FILIP1L: variants seen among roughly 807,000 people sequenced by gnomAD.
The protein encoded by FILIP1L is filamin A-interacting protein 1-like.
A neutral mutation model predicts 96.6 loss-of-function variants in FILIP1L; 55 were observed. The observed-to-expected ratio is 0.57, with a 90% CI of 0.46 to 0.71. The LOEUF is 0.71. Ranked by LOEUF, FILIP1L falls within the 30% of genes least tolerant of loss-of-function variation. The pLI, the probability that FILIP1L is intolerant of heterozygous loss-of-function variation, is 0.00. For missense variants in FILIP1L, 1,304 were observed against 1,321.2 expected (o/e 0.99, Z 0.20); for synonymous variants, 467 against 473.9 (o/e 0.99, Z 0.19).
intron 1 of FILIP1L, among the ~76,000 whole-genome samples, chr3:100,013,483 G>A (rs188802377): frequency 7.7e-4 from 117 of 151,762 alleles, no homozygotes; most frequent in African/African-American, 2.7e-3. Flanking sequence ...ACCTCAGGTG[G>A]TCCATCCACC....
chr3:99,860,772 G>T (rs1192861006), intron 4 of FILIP1L, among the ~76,000 whole-genome samples: 4 of 152,170 alleles, frequency 2.6e-5, no homozygotes, highest in African/African-American at 9.7e-5. Context: ...ATGTAAATTT[G>T]TACCAGGATA....
intron 4 of FILIP1L, among the ~76,000 whole-genome samples, chr3:99,911,188 TC>T (rs1341977082): frequency 4.6e-5 from 7 of 152,116 alleles, no homozygotes; most frequent in African/African-American, 1.7e-4. Flanking sequence ...GAAATGTATT[TC>T]TTCAATCCTA....
intron 1 of FILIP1L, among the ~76,000 whole-genome samples, chr3:100,024,136 T>C (rs2064876635): frequency 6.6e-6 from 1 of 152,174 alleles, no homozygotes; most frequent in Non-Finnish European, 1.5e-5. Context: ...GAAAGGTCTT[T>C]CAGTGTCATG....
At position 99,857,415 on chromosome 3, in the gene FILIP1L, C is replaced by T. The variant is rs74593718; in HGVS notation, c.606-6345G>A. On this transcript the variant is annotated intron_variant, in intron 4 of 5. Transcript: ENST00000477258. ...GAGGAGAACAGGGTTAGGTGGTAAA[C>T]GTCCACATCCTAGCCCATCAGTCTC... is the stretch of plus-strand genomic sequence containing the variant. Among the ~76,000 whole-genome samples, 844 of 152,306 alleles carry T rather than the reference C, an allele frequency of 5.5e-3. 41 individuals are homozygous for T. The East Asian group carries it at 0.12, about 21-fold the overall frequency.
chr3:100,091,814 T>C (rs1267303170), intron 1 of FILIP1L, among the ~76,000 whole-genome samples: 2 of 152,232 alleles, frequency 1.3e-5, no homozygotes, highest in South Asian at 2.1e-4. Context: ...TTGCTCAGCG[T>C]CTCCTCTCGT....
chr3:99,878,289 G>T (rs1576542127), intron 4 of FILIP1L, among the ~76,000 whole-genome samples: 3 of 152,302 alleles, frequency 2.0e-5, no homozygotes, highest in East Asian at 3.9e-4. Flanking sequence ...CATACTTAGT[G>T]CTCTACAAGC....
intron 4 of FILIP1L, among the ~76,000 whole-genome samples, chr3:99,854,333 A>G (rs752494014): frequency 2.6e-5 from 4 of 152,210 alleles, no homozygotes; most frequent in African/African-American, 7.2e-5. Flanking sequence ...GCAGGTTATC[A>G]TGAACTCTCG....
rs962132185 is a variant in FILIP1L, at chr3:100,066,246, G to A, written c.-11+47807C>T. Among the ~76,000 whole-genome samples the A allele has an allele frequency of 8.6e-5, 13 of 151,934 alleles. No homozygotes were observed. The East Asian group carries it at 2.5e-3, about 29-fold the overall frequency. On this transcript the variant is annotated intron_variant, in intron 1 of 5. Coordinates refer to ENST00000477258, the MANE Select transcript of FILIP1L (RefSeq NM_001387850.1). ...GAAATGCCTCCTGCAGCTCTCTGTG[G>A]GATTCTTTTCTTTTTATTATTTTAA...
chr3:99,876,192 G>T (rs995604014), intron 4 of FILIP1L: 1 of 985,444 alleles, frequency 1.0e-6, no homozygotes, highest in East Asian at 1.1e-4. Context: ...CGCTGAGCGC[G>T]CCCGGCCTAT....
At chr3:99,981,740 T>A (rs1232094741) in intron 1 of FILIP1L, among the ~76,000 whole-genome samples, 1 of 152,194 alleles carries the variant, frequency 6.6e-6, no homozygotes. Flanking sequence ...CCAAATTGCG[T>A]GCTATTTTCT....
chr3:100,091,527 G>C lies in FILIP1L; in HGVS notation c.-11+22526C>G, dbSNP rs983365443. On this transcript the variant is annotated intron_variant, in intron 1 of 5. Coordinates refer to ENST00000477258, the MANE Select transcript of FILIP1L (RefSeq NM_001387850.1). The stretch of plus-strand genomic sequence containing the variant: ...CTTTGCAGCACAAGCCTTCTACCCT[G>C]TTCCCAGCCATAAGCATCATAAGTT... 2.0e-5 allele frequency among the ~76,000 whole-genome samples: 3 copies of C among 152,186 alleles called. 1 individual carries two copies. In the South Asian group the frequency reaches 6.2e-4, roughly 32 times the overall value.
chr3:99,837,879 A>G (rs1010802839), intron 5 of FILIP1L, among the ~76,000 whole-genome samples: 1 of 152,178 alleles, frequency 6.6e-6, no homozygotes, highest in Non-Finnish European at 1.5e-5. Flanking sequence ...TAGTGGCTGG[A>G]CCTTGATCCC....
intron 1 of FILIP1L, among the ~76,000 whole-genome samples, chr3:100,002,262 T>C (rs1709864896): frequency 6.6e-6 from 1 of 152,214 alleles, no homozygotes; most frequent in Non-Finnish European, 1.5e-5. Flanking sequence ...GAGCATCTCT[T>C]TTAAGTTATG....
intron 1 of FILIP1L, among the ~76,000 whole-genome samples, chr3:100,032,234 A>G (rs1033620106): frequency 6.6e-6 from 1 of 152,244 alleles, no homozygotes; most frequent in Non-Finnish European, 1.5e-5. Flanking sequence ...CCTCTTTCAG[A>G]GAGAGCAGAT....
chr3:99,865,269 G>A (rs1194491430), intron 4 of FILIP1L, among the ~76,000 whole-genome samples: 1 of 152,190 alleles, frequency 6.6e-6, no homozygotes, highest in Non-Finnish European at 1.5e-5. Context: ...GTCCTGGTGA[G>A]TAATTGGCAG....
Position 99,849,183 on chromosome 3 carries a change from A to T in FILIP1L, c.2493T>A (p.Ser831Arg). 1 of 1,613,768 alleles carries T rather than the reference A, an allele frequency of 6.2e-7. No individual in the cohort carries two copies. Among genetic ancestry groups the T allele is most frequent in the Non-Finnish European group, 8.5e-7 (1 of 1,179,916 alleles). The change falls in exon 5 of 6, where the codon AGT (serine) becomes AGA (arginine). Residue 831 changes from serine (S) to arginine (R), a missense_variant. Physicochemically the swap from Ser to Arg is moderately radical, Grantham distance 110. Coordinates refer to ENST00000477258, the MANE Select transcript of FILIP1L (RefSeq NM_001387850.1). ...CATTAGGGTCCTCGTCTTGATTCTCACTCTCCTCATATAACTGACCATTGA... is the reference window on the plus strand; with the variant it reads ...CATTAGGGTCCTCGTCTTGATTCTCTCTCTCCTCATATAACTGACCATTGA... ...AVINGQLYEE[S>R]ENQDEDPNDE...
intron 1 of FILIP1L, among the ~76,000 whole-genome samples, chr3:99,953,500 G>C (rs1279639323): frequency 6.6e-6 from 1 of 152,150 alleles, no homozygotes; most frequent in Admixed American, 6.5e-5. Context: ...TAGGAAGGTG[G>C]CAGTTGATCT....
rs866817505 is a variant in FILIP1L at position 99,876,154 on chromosome 3, G to A, written c.606-25084C>T. On this transcript the variant is annotated intron_variant, in intron 4 of 5. Coordinates refer to ENST00000477258, the MANE Select transcript of FILIP1L (RefSeq NM_001387850.1). ...GCTGCGAGCCGACTGTGCGCGCTCC[G>A]AGAGTCGCCCGAACAATGCGAGCGG... 9.2e-5 allele frequency: 91 copies of A among 985,976 alleles called. No individual in the cohort carries two copies. In the Admixed American group the frequency reaches 1.8e-3, roughly 19 times the overall value. The allele number at this position is 985,976 out of a possible 1,614,324, so 61.1% of individuals were successfully genotyped here.
intron 1 of FILIP1L, among the ~76,000 whole-genome samples, chr3:100,113,721 T>C (rs2066528248): frequency 6.6e-6 from 1 of 152,194 alleles, no homozygotes; most frequent in Admixed American, 6.5e-5. Context: ...AGGAAAGCCA[T>C]TTATCCAAAC....
Sources: allele counts gnomAD v4.1 joint callset (sites outside exome capture counted in the v4.1 genomes callset), GRCh38; gene constraint gnomAD v4.1.1; transcripts MANE v1.5; gene names NCBI Gene and HGNC (gene_info 2026-07-23, HGNC 2026-07-21).